The following CRY2 variants were observed in gnomAD, a reference collection of about 807,000 sequenced individuals.
CRY2 encodes the protein cryptochrome circadian regulator 2, also known as cryptochrome-2.
In CRY2, 31 loss-of-function variants were observed where a neutral mutation model predicts 69.5. The observed-to-expected ratio is 0.45, with a 90% confidence interval of 0.34 to 0.60. CRY2 has a LOEUF of 0.60. Ranked by LOEUF, CRY2 falls within the 20% of genes least tolerant of loss-of-function variation. The pLI is 0.02. For missense variants in CRY2, 606 were observed against 797.8 expected (o/e 0.76, Z 2.90); for synonymous variants, 303 against 312.2 (o/e 0.97, Z 0.31).
At chr11:45,873,438 A>G (rs2086402097) in intron 11 of CRY2, among the ~76,000 whole-genome samples, 1 of 152,218 alleles carries the variant, frequency 6.6e-6, no homozygotes, top group Non-Finnish European at 1.5e-5. Context: ...TGGGAGTACC[A>G]GCAACCTACT....
intron 6 of CRY2, 157 bp downstream of exon 6, chr11:45,867,909 A>C (rs984624643): frequency 1.1e-6 from 1 of 936,996 alleles, no homozygotes. Flanking sequence ...AGGAGAGAAG[A>C]CTCAATATCC....
rs746494652 is a variant in CRY2, at chr11:45,867,680, C to T, written c.810C>T (p.Leu270=). The change falls in exon 6 of 12, where the codon CTC becomes CTT. Residue 270 remains leucine, a synonymous_variant. Transcript: ENST00000616080. ...ANSLLASPTG[L]SPYLRFGCLS... is the part of the protein sequence containing the mutation. ...CCCTCCTGGCCAGCCCCACAGGCCTCAGCCCCTACCTGCGCTTTGGTTGTC... is the reference window on the plus strand; with the variant it reads ...CCCTCCTGGCCAGCCCCACAGGCCTTAGCCCCTACCTGCGCTTTGGTTGTC... 2 of 1,614,134 alleles carry T rather than the reference C, an allele frequency of 1.2e-6. No individual in the cohort carries two copies. Among genetic ancestry groups the T allele is most frequent in the African/African-American group, 1.3e-5 (1 of 74,942 alleles).
At chr11:45,877,679 C>G (rs1356028719) in intron 11 of CRY2, among the ~76,000 whole-genome samples, 1 of 152,224 alleles carries the variant, frequency 6.6e-6, no homozygotes. Context: ...TTGATTTTCC[C>G]TTGGTGCCTC....
chr11:45,872,337 T>G, intron 11 of CRY2, 104 bp downstream of exon 11: 1 of 1,083,388 alleles, frequency 9.2e-7, no homozygotes. Context: ...TAGATGAAAA[T>G]CTGGTGGGAC....
chr11:45,856,434 C>T (rs1242551554), intron 2 of CRY2: 1 of 167,476 alleles, frequency 6.0e-6, no homozygotes, highest in East Asian at 1.3e-4. Context: ...TAGGCCAAGA[C>T]TTTGAGGTGG....
chr11:45,882,560 C>T lies in CRY2; in HGVS notation c.*1649C>T, dbSNP rs2086484089. The T allele has an allele frequency of 5.0e-6, 2 of 399,040 alleles. No homozygotes were observed. Among genetic ancestry groups the T allele is most frequent in the South Asian group, 1.3e-4 (1 of 7,838 alleles). The allele number at this position is 399,040 out of a possible 1,614,324, so 24.7% of individuals were successfully genotyped here. On this transcript the variant is annotated 3_prime_UTR_variant, in exon 12 of 12. Coordinates refer to ENST00000616080, the MANE Select transcript of CRY2 (RefSeq NM_021117.5). ...TCCTCAGGTTTTCTCAGCCAGAGAG[C>T]TGCCTTTAGAGTCCAACTGTTGTAC...
At chr11:45,857,609 A>G (rs1227961159) in intron 2 of CRY2, among the ~76,000 whole-genome samples, 1 of 152,222 alleles carries the variant, frequency 6.6e-6, no homozygotes, top group Non-Finnish European at 1.5e-5. Context: ...AGTTCACACT[A>G]ATAGGGGAAA....
In CRY2 at chr11:45,862,139, G is replaced by A. The variant is rs2086293057; in HGVS notation, c.732G>A (p.Leu244=). 6.2e-7 allele frequency: 1 copy of A among 1,613,548 alleles called. No individual in the cohort carries two copies. Reference sequence around the variant, plus strand: ...CTCTGGCCCGCCTGGATAAGCACTTGGAACGGAAGGTATGGGCCGTTTCTG... The same window carrying A: ...CTCTGGCCCGCCTGGATAAGCACTTAGAACGGAAGGTATGGGCCGTTTCTG... ...TEALARLDKH[L]ERKAWVANYE... The change falls in exon 5 of 12, where the codon TTG becomes TTA. Residue 244 remains leucine, a synonymous_variant. Transcript: ENST00000616080.
chr11:45,875,600 C>T (rs2086419082), intron 11 of CRY2, among the ~76,000 whole-genome samples: 2 of 152,188 alleles, frequency 1.3e-5, no homozygotes, highest in African/African-American at 4.8e-5. Flanking sequence ...TTGAGGTTTA[C>T]TCTGCCCTCC....
intron 11 of CRY2, among the ~76,000 whole-genome samples, chr11:45,877,109 G>A (rs920953885): frequency 5.3e-5 from 8 of 152,208 alleles, no homozygotes; most frequent in African/African-American, 1.9e-4. Context: ...ACTGATGGCT[G>A]TCCCTTCCAC....
At chr11:45,878,035 A>G (rs1333162913) in intron 11 of CRY2, among the ~76,000 whole-genome samples, 2 of 152,240 alleles carry the variant, frequency 1.3e-5, no homozygotes, top group Non-Finnish European at 2.9e-5. Flanking sequence ...GCCGAAGTCA[A>G]CATATGTCTG....
chr11:45,852,814 C>T (rs1296963085), intron 1 of CRY2, among the ~76,000 whole-genome samples: 2 of 152,198 alleles, frequency 1.3e-5, no homozygotes, highest in African/African-American at 4.8e-5. Flanking sequence ...AATGAATCAC[C>T]AGGGGATCTT....
chr11:45,867,470 C>A, intron 5 of CRY2, 142 bp from the exon 6 acceptor site: 2 of 1,011,912 alleles, frequency 2.0e-6, no homozygotes, highest in Non-Finnish European at 2.9e-6. Flanking sequence ...GTCTCAAAAT[C>A]GGCTGGACAA....
At chr11:45,854,039 A>G (rs1302935026) in intron 1 of CRY2, among the ~76,000 whole-genome samples, 1 of 152,198 alleles carries the variant, frequency 6.6e-6, no homozygotes, top group Admixed American at 6.5e-5. Flanking sequence ...GAGTGTGTCA[A>G]GTTGTGTACG....
In CRY2 at chr11:45,882,660, G is replaced by A; in HGVS notation, c.*1749G>A. The A allele has an allele frequency of 2.5e-6, 1 of 399,020 alleles. No homozygotes were observed. Among genetic ancestry groups the A allele is most frequent in the Non-Finnish European group, 4.4e-6 (1 of 226,098 alleles). The allele number at this position is 399,020 out of a possible 1,614,324, so 24.7% of individuals were successfully genotyped here. ...GCACAGGGGATGGTGTGCATTCAGA[G>A]CATTGGGTTGGGGGCTTCCCTGTTC... On this transcript the variant is annotated 3_prime_UTR_variant, in exon 12 of 12. Transcript: ENST00000616080.
rs868325675 is a variant in CRY2, at chr11:45,880,662, G to A, written c.*3-252G>A. ...TTGTCCTCCTCCTCCTCTGCTGTCC[G>A]CAGCCCTGGGTGGAGGGCCTGCAGT... On this transcript the variant is annotated intron_variant, in intron 11 of 11. Coordinates refer to ENST00000616080, the MANE Select transcript of CRY2 (RefSeq NM_021117.5). Among the ~76,000 whole-genome samples, 11 of 152,246 alleles carry A rather than the reference G, an allele frequency of 7.2e-5. 1 individual carries two copies. The South Asian group carries it at 2.1e-3, about 29-fold the overall frequency.
At chr11:45,864,322 A>G (rs1213830123) in intron 5 of CRY2, among the ~76,000 whole-genome samples, 1 of 152,240 alleles carries the variant, frequency 6.6e-6, no homozygotes, top group East Asian at 1.9e-4. Flanking sequence ...ATTAAATAAC[A>G]TATTAAAGTT....
At chr11:45,861,753 C>G in intron 4 of CRY2, 1 of 353,478 alleles carries the variant, frequency 2.8e-6, no homozygotes, top group South Asian at 2.7e-5. Context: ...TTGATCTGAA[C>G]AAAGCTATTA....
chr11:45,871,027 G>T, intron 10 of CRY2, 93 bp downstream of exon 10: 1 of 1,059,158 alleles, frequency 9.4e-7, no homozygotes, highest in South Asian at 1.4e-5. Context: ...GCCTTGCCCA[G>T]TGGAGCTTAT....
Sources: allele counts gnomAD v4.1 joint callset (sites outside exome capture counted in the v4.1 genomes callset), GRCh38; gene constraint gnomAD v4.1.1; transcripts MANE v1.5; gene names NCBI Gene and HGNC (gene_info 2026-07-23, HGNC 2026-07-21).